The following CRACD variants were observed in gnomAD, a reference collection of about 807,000 sequenced individuals.
CRACD encodes the protein capping protein-inhibiting regulator of actin dynamics.
A neutral mutation model predicts 106.8 loss-of-function variants in CRACD; 56 were observed. The observed-to-expected ratio is 0.52, with a 90% CI of 0.42 to 0.66. The LOEUF (loss-of-function observed/expected upper bound fraction) is 0.66. CRACD is among the 30% of genes least tolerant of loss of function. The pLI, the probability that CRACD is intolerant of heterozygous loss-of-function variation, is 0.00. For missense variants in CRACD, 1,730 were observed against 1,623.2 expected, an observed-to-expected ratio of 1.07 and a Z score of -1.13; for synonymous variants, 754 against 670.8, an observed-to-expected ratio of 1.12 and a Z score of -1.92.
chr4:56,060,040 G>A (rs17086249), intron 1 of CRACD, among the ~76,000 whole-genome samples: 55,782 of 152,012 alleles, frequency 0.37, 11,769 homozygotes, highest in African/African-American at 0.59. Context: ...TGCCAAACAA[G>A]TACATTATGA....
Position 56,224,097 on chromosome 4 carries a change from A to G in CRACD, c.-189+44667A>G, listed in dbSNP as rs374577423. Among the ~76,000 whole-genome samples the G allele has an allele frequency of 2.8e-4, 43 of 151,990 alleles. 2 individuals carry two copies. Among genetic ancestry groups the G allele is most frequent in the African/African-American group, 9.4e-4 (39 of 41,360 alleles). On this transcript the variant is annotated intron_variant, in intron 2 of 10. Transcript: ENST00000682029. ...GGTCTGTAAAACATCTTAATATTTG[A>G]CAGAGCTAGTTTCTTTTTATTACTC...
rs1449964818 is a variant in CRACD, at chr4:56,315,903, C to T, written c.2401C>T (p.Pro801Ser). Residue 801 changes from proline (P) to serine (S), a missense_variant, in exon 8 of 11, where the codon CCA becomes TCA. Physicochemically the swap from Pro to Ser is moderately conservative, Grantham distance 74. This residue lies in a region of CRACD where 1,620 missense variants were observed against 1,481.6 expected (regional missense o/e 1.09). Coordinates refer to ENST00000682029, the MANE Select transcript of CRACD (RefSeq NM_001393381.1). The surrounding 1 kb of genome is among the most constrained non-coding windows in gnomAD (Gnocchi z 4.1). Reference protein sequence around the residue: ...FAKDLPSFLVPSLPYPPQKVV... With the variant: ...FAKDLPSFLVSSLPYPPQKVV... Reference sequence around the variant, plus strand: ...CAAAGACCTCCCGTCTTTCCTTGTCCCAAGCCTTCCTTACCCTCCGCAGAA... The same window carrying T: ...CAAAGACCTCCCGTCTTTCCTTGTCTCAAGCCTTCCTTACCCTCCGCAGAA... The T allele has an allele frequency of 6.2e-7, 1 of 1,614,176 alleles. No individual in the cohort carries two copies. The highest frequency in any genetic ancestry group is 8.5e-7 in the Non-Finnish European group (1 of 1,180,034).
chr4:56,216,502 A>G (rs890653770), intron 2 of CRACD, among the ~76,000 whole-genome samples: 5 of 152,176 alleles, frequency 3.3e-5, no homozygotes, highest in Admixed American at 6.5e-5. Context: ...GGTTGGAATC[A>G]TAGTCCCAGT....
chr4:56,244,242 T>C (rs1237918292), intron 2 of CRACD, among the ~76,000 whole-genome samples: 2 of 152,068 alleles, frequency 1.3e-5, no homozygotes, highest in African/African-American at 4.8e-5. Flanking sequence ...AGGGTTCATA[T>C]GCTGGCAATG....
At chr4:56,309,950 T>G (rs900270572) in intron 5 of CRACD, among the ~76,000 whole-genome samples, 3 of 151,360 alleles carry the variant, frequency 2.0e-5, no homozygotes, top group Non-Finnish European at 4.4e-5. Flanking sequence ...GCCCAGGAGT[T>G]CTAGGCTACA....
At chr4:56,062,207 T>C (rs543054506) in intron 1 of CRACD, among the ~76,000 whole-genome samples, 12 of 152,348 alleles carry the variant, frequency 7.9e-5, no homozygotes, top group African/African-American at 2.6e-4. Context: ...TATTTTAATA[T>C]AAATTAAAAC....
At chr4:56,160,829 C>T (rs1468419559) in intron 1 of CRACD, among the ~76,000 whole-genome samples, 2 of 152,254 alleles carry the variant, frequency 1.3e-5, no homozygotes, top group Non-Finnish European at 2.9e-5. Flanking sequence ...GCTTCCTGCT[C>T]AGTGCTCCTT....
chr4:56,068,161 G>A (rs1732522996), intron 1 of CRACD, among the ~76,000 whole-genome samples: 1 of 152,138 alleles, frequency 6.6e-6, no homozygotes, highest in South Asian at 2.1e-4. Context: ...TGGATAGGAT[G>A]GTCAGGAACA....
chr4:56,219,907 A>G (rs547663362), intron 2 of CRACD, among the ~76,000 whole-genome samples: 9 of 152,358 alleles, frequency 5.9e-5, no homozygotes, highest in Admixed American at 3.9e-4. Flanking sequence ...AATATAATCT[A>G]TGAAAACATA....
intron 1 of CRACD, among the ~76,000 whole-genome samples, chr4:56,097,110 C>T (rs1218310880): frequency 6.6e-6 from 1 of 152,052 alleles, no homozygotes; most frequent in Admixed American, 6.6e-5. Context: ...AGGAAACAGA[C>T]GTGCCATCCA....
intron 3 of CRACD, among the ~76,000 whole-genome samples, chr4:56,286,901 A>G (rs1284297653): frequency 6.6e-6 from 1 of 152,222 alleles, no homozygotes; most frequent in African/African-American, 2.4e-5. Context: ...AGCAAAGGTT[A>G]CAGTGTGTGA....
chr4:56,115,888 G>C (rs1734258758), intron 1 of CRACD, among the ~76,000 whole-genome samples: 1 of 152,142 alleles, frequency 6.6e-6, no homozygotes, highest in Non-Finnish European at 1.5e-5. Context: ...AGCATTATCT[G>C]GTTTATAAAC....
chr4:56,297,337 CTT>C (rs1744111201), intron 3 of CRACD, among the ~76,000 whole-genome samples: 1 of 152,174 alleles, frequency 6.6e-6, no homozygotes, highest in Non-Finnish European at 1.5e-5. Flanking sequence ...TTTAGCTGGG[CTT>C]AGTGGCTCAT....
intron 3 of CRACD, among the ~76,000 whole-genome samples, chr4:56,281,479 T>G (rs1743036543): frequency 1.3e-5 from 2 of 152,090 alleles, no homozygotes; most frequent in South Asian, 4.2e-4. Flanking sequence ...GCTAGGGACC[T>G]CTCAGGAAGC....
chr4:56,091,874 G>A (rs1733434639), intron 1 of CRACD, among the ~76,000 whole-genome samples: 1 of 152,176 alleles, frequency 6.6e-6, no homozygotes, highest in Non-Finnish European at 1.5e-5. Context: ...GTCAAACACT[G>A]TTGGAAAGAG....
At position 56,314,742 on chromosome 4, in the gene CRACD, G is replaced by T; in HGVS notation, c.1240G>T (p.Asp414Tyr). ...EEEEGQAHLE[D>Y]WRGQLSELLN... The stretch of plus-strand genomic sequence containing the variant: ...GGAGGAGGGCCAGGCGCACCTGGAG[G>T]ACTGGAGGGGGCAGCTCAGTGAGCT... The change falls in exon 8 of 11, where the codon GAC becomes TAC. Residue 414 changes from aspartate (D) to tyrosine (Y), a missense_variant. This residue lies in a region of CRACD where 1,620 missense variants were observed against 1,481.6 expected (regional missense o/e 1.09). Coordinates refer to ENST00000682029, the MANE Select transcript of CRACD (RefSeq NM_001393381.1). This position sits in a 1 kb window ranked among gnomAD's most constrained non-coding sequence, Gnocchi z 4.4. 6.3e-7 allele frequency: 1 copy of T among 1,582,496 alleles called. No homozygotes were observed. The highest frequency in any genetic ancestry group is 8.6e-7 in the Non-Finnish European group (1 of 1,165,316).
At chr4:56,259,022 T>C (rs542263580) in intron 2 of CRACD, among the ~76,000 whole-genome samples, 9 of 152,334 alleles carry the variant, frequency 5.9e-5, no homozygotes, top group African/African-American at 1.7e-4. Context: ...CTCACACTCT[T>C]GTTCAATTAA....
At chr4:56,165,119 C>T (rs1736094458) in intron 1 of CRACD, among the ~76,000 whole-genome samples, 1 of 152,242 alleles carries the variant, frequency 6.6e-6, no homozygotes, top group Non-Finnish European at 1.5e-5. Context: ...TTATCACTTT[C>T]TGCCATCGTC....
intron 1 of CRACD, among the ~76,000 whole-genome samples, chr4:56,123,786 T>C (rs1316315449): frequency 6.6e-6 from 1 of 152,162 alleles, no homozygotes; most frequent in Non-Finnish European, 1.5e-5. Context: ...GACCCTTGGA[T>C]ATTCCTAAGT....
Sources: allele counts gnomAD v4.1 joint callset (sites outside exome capture counted in the v4.1 genomes callset), GRCh38; gene constraint gnomAD v4.1.1; regional missense constraint gnomAD v4.1.1; non-coding constraint Gnocchi (gnomAD v3.1); transcripts MANE v1.5; gene names NCBI Gene and HGNC (gene_info 2026-07-23, HGNC 2026-07-21).